The following DAPK2 variants were observed in gnomAD, a reference collection of about 807,000 sequenced individuals.
DAPK2 encodes the protein death associated protein kinase 2.
In DAPK2, 35 loss-of-function variants were observed where a neutral mutation model predicts 44.1. That is an observed-to-expected ratio of 0.79 (90% CI 0.61 to 1.05). The LOEUF is 1.05. DAPK2 is among the 50% of genes least tolerant of loss of function. The pLI, the probability that DAPK2 is intolerant of heterozygous loss-of-function variation, is 0.00. For synonymous variants in DAPK2, 174 were observed against 182.6 expected (o/e 0.95, Z 0.38); for missense variants, 453 against 483.2 (o/e 0.94, Z 0.59).
chr15:63,929,718 A>C (rs1280462490), intron 5 of DAPK2, 141 bp from the exon 7 acceptor site: 4 of 921,710 alleles, frequency 4.3e-6, no homozygotes, highest in Non-Finnish European at 6.9e-6. Flanking sequence ...CTCCACACCC[A>C]TCTCCATCCT....
Position 63,908,781 on chromosome 15 carries a change from G to A in DAPK2, c.1033-181C>T, listed in dbSNP as rs565341624. ...CTGGGGGATGGGAGGGATCTGAAAC[G>A]AGGCCAGACCAACTGCTTGGAGGAA... On this transcript the variant is annotated intron_variant, in intron 10 of 10. Transcript: ENST00000261891. This position sits in a 1 kb window ranked among gnomAD's most constrained non-coding sequence, Gnocchi z 5.7. 2.0e-5 allele frequency: 9 copies of A among 441,404 alleles called. No homozygotes were observed. Among genetic ancestry groups the A allele is most frequent in the East Asian group, 7.3e-5 (2 of 27,254 alleles). 27.3% of individuals were successfully genotyped at this position (441,404 alleles called of 1,614,324 possible).
At chr15:63,981,486 A>C (rs1178461016) in intron 2 of DAPK2, among the ~76,000 whole-genome samples, 1 of 152,214 alleles carries the variant, frequency 6.6e-6, no homozygotes, top group African/African-American at 2.4e-5. Flanking sequence ...AAAAGAGAAA[A>C]GCCAATTTTT....
At chr15:63,974,279 A>G (rs910747086) in intron 2 of DAPK2, among the ~76,000 whole-genome samples, 1 of 152,260 alleles carries the variant, frequency 6.6e-6, no homozygotes, top group Non-Finnish European at 1.5e-5. Flanking sequence ...TCTGAGCCAA[A>G]TATGAGTGCT....
rs1418533997 is a variant in DAPK2 at position 64,046,255 on chromosome 15, C to A, written c.-7+43G>T. 46 of 900,730 alleles carry A rather than the reference C, an allele frequency of 5.1e-5. No individual in the cohort carries two copies. The highest frequency in any genetic ancestry group is 6.0e-5 in the Non-Finnish European group (45 of 753,666). The allele number at this position is 900,730 out of a possible 1,614,324, so 55.8% of individuals were successfully genotyped here. On this transcript the variant is annotated intron_variant, in intron 1 of 11. Transcript: ENST00000457488. This position sits in a 1 kb window ranked among gnomAD's most constrained non-coding sequence, Gnocchi z 5.3. ...CGGGCGCTGCTGCCGTCAGGCCGCGCGCCCCGTCCCGCCCATCGAGCCCGC... is the reference window on the plus strand; with the variant it reads ...CGGGCGCTGCTGCCGTCAGGCCGCGAGCCCCGTCCCGCCCATCGAGCCCGC...
Position 63,923,089 on chromosome 15 carries a change from T to C in DAPK2, c.858+1727A>G. Reference sequence around the variant, plus strand: ...TCTCATTCTCCTCTCGGTACCAAGCTTCCTTCTCATTGAAGATGGAGACCA... The same window carrying C: ...TCTCATTCTCCTCTCGGTACCAAGCCTCCTTCTCATTGAAGATGGAGACCA... On this transcript the variant is annotated intron_variant, in intron 8 of 10. Coordinates refer to ENST00000261891, the Ensembl canonical transcript of DAPK2. This position sits in a 1 kb window ranked among gnomAD's most constrained non-coding sequence, Gnocchi z 4.2. 1 of 1,535,850 alleles carries C rather than the reference T, an allele frequency of 6.5e-7. No individual in the cohort carries two copies. Among genetic ancestry groups the C allele is most frequent in the South Asian group, 1.2e-5 (1 of 84,044 alleles).
intron 8 of DAPK2, chr15:63,920,919 T>A (rs2079055052): frequency 6.6e-6 from 1 of 152,334 alleles, no homozygotes; most frequent in African/African-American, 2.4e-5. Flanking sequence ...GAAACTTCTC[T>A]CTCCCTGGTT....
At chr15:64,021,490 G>A (rs551132384) in intron 1 of DAPK2, among the ~76,000 whole-genome samples, 134 of 152,314 alleles carry the variant, frequency 8.8e-4, no homozygotes, top group Non-Finnish European at 1.6e-3. Context: ...GGGCCTCAAA[G>A]CTGGCTAAGC....
At chr15:64,039,230 C>T (rs1416289271) in intron 1 of DAPK2, among the ~76,000 whole-genome samples, 1 of 152,240 alleles carries the variant, frequency 6.6e-6, no homozygotes, top group African/African-American at 2.4e-5. Context: ...GGTCTACACA[C>T]TCTAAATTCC....
chr15:63,980,116 G>C lies in DAPK2; in HGVS notation c.314+3417C>G, dbSNP rs1443722310. Among the ~76,000 whole-genome samples, 3 of 152,188 alleles carry C rather than the reference G, an allele frequency of 2.0e-5. No individual in the cohort carries two copies. The South Asian group carries it at 6.3e-4, about 32-fold the overall frequency. On this transcript the variant is annotated intron_variant, in intron 2 of 10. Coordinates refer to ENST00000261891, the Ensembl canonical transcript of DAPK2. This position sits in a 1 kb window ranked among gnomAD's most constrained non-coding sequence, Gnocchi z 4.3. ...TGGAAGTGAAGGGGGAGACAGAAAC[G>C]GGACAGAACTTAATAAGCACAGAGG...
chr15:63,919,907 A>G (rs1458019428), intron 8 of DAPK2: 4 of 152,212 alleles, frequency 2.6e-5, no homozygotes, highest in Non-Finnish European at 5.9e-5. Context: ...AGGGACATTT[A>G]ATATTTGCAG....
At chr15:63,933,834 A>G (rs2140405580) in intron 4 of DAPK2, among the ~76,000 whole-genome samples, 1 of 151,990 alleles carries the variant, frequency 6.6e-6, no homozygotes, top group Non-Finnish European at 1.5e-5. Context: ...TCTAGGCTCA[A>G]GCCTCCGGCC....
At chr15:64,028,683 G>A (rs11637845) in intron 1 of DAPK2, among the ~76,000 whole-genome samples, 17,208 of 152,150 alleles carry the variant, frequency 0.11, 1,315 homozygotes, top group South Asian at 0.34. Flanking sequence ...GAAGTATTAA[G>A]GGGTGAAGAG....
chr15:63,986,638 G>C (rs1379200270), intron 1 of DAPK2, among the ~76,000 whole-genome samples: 1 of 152,108 alleles, frequency 6.6e-6, no homozygotes, highest in African/African-American at 2.4e-5. Flanking sequence ...TGATTCCCAC[G>C]CACAGCCAGA....
intron 3 of DAPK2, among the ~76,000 whole-genome samples, chr15:63,964,867 T>G (rs1335694200): frequency 6.6e-6 from 1 of 152,208 alleles, no homozygotes; most frequent in East Asian, 1.9e-4. Flanking sequence ...ATCTTGATTT[T>G]CACTGAGTTT....
intron 3 of DAPK2, among the ~76,000 whole-genome samples, chr15:63,942,530 C>A (rs1418833286): frequency 6.6e-6 from 1 of 151,012 alleles, no homozygotes; most frequent in Non-Finnish European, 1.5e-5. Context: ...CCAGCCTGGG[C>A]GACAAAGTGA....
Position 63,912,797 on chromosome 15 carries a change from G to C in DAPK2, c.859-600C>G, listed in dbSNP as rs2078831807. Among the ~76,000 whole-genome samples the C allele has an allele frequency of 6.6e-6, 1 of 152,106 alleles. No individual in the cohort carries two copies. Among genetic ancestry groups the C allele is most frequent in the South Asian group, 2.1e-4 (1 of 4,824 alleles). ...ATGGGGATAATAATATCATGTCACA[G>C]GGTTGTTAAGGATTATATGATCATG... On this transcript the variant is annotated intron_variant, in intron 8 of 10. Transcript: ENST00000261891. This position sits in a 1 kb window ranked among gnomAD's most constrained non-coding sequence, Gnocchi z 4.4.
intron 3 of DAPK2, among the ~76,000 whole-genome samples, chr15:63,947,993 C>G (rs939506563): frequency 1.6e-4 from 25 of 152,082 alleles, no homozygotes; most frequent in African/African-American, 5.8e-4. Context: ...ACCTGATGGG[C>G]GCAGTGGCTC....
chr15:64,033,326 A>AAGGAAGGAAGGAAGGAAGGAAGG (rs150809859), intron 1 of DAPK2, among the ~76,000 whole-genome samples: 21 of 131,450 alleles, frequency 1.6e-4, no homozygotes, highest in South Asian at 3.3e-4. Context: ...GGAAGGAAGG[A>AAGGAAGGAAGGAAGGAAGGAAGG]AAAAAAAAAT....
At chr15:63,989,288 T>C (rs2078752951) in intron 1 of DAPK2, among the ~76,000 whole-genome samples, 1 of 151,564 alleles carries the variant, frequency 6.6e-6, no homozygotes, top group Non-Finnish European at 1.5e-5. Context: ...GCCCAGGAGT[T>C]TGAGGCTACA....
Sources: allele counts gnomAD v4.1 joint callset (sites outside exome capture counted in the v4.1 genomes callset), GRCh38; gene constraint gnomAD v4.1.1; non-coding constraint Gnocchi (gnomAD v3.1); transcripts MANE v1.5; gene names NCBI Gene and HGNC (gene_info 2026-07-23, HGNC 2026-07-21).